BIK: variants seen among roughly 807,000 people sequenced by gnomAD.
BIK encodes BCL2 interacting killer.
Under a neutral mutation model 12.1 loss-of-function variants are expected in BIK, and 14 were observed. The observed-to-expected ratio is 1.16, with a 90% confidence interval of 0.77 to 1.81. The LOEUF (loss-of-function observed/expected upper bound fraction) is 1.81. BIK is among the 40% of genes most tolerant of loss of function. The pLI is 0.00. For missense variants in BIK, 215 were observed against 207.9 expected, an observed-to-expected ratio of 1.03 and a Z score of -0.21; for synonymous variants, 86 against 92.3, an observed-to-expected ratio of 0.93 and a Z score of 0.39.
chr22:43,122,209 T>C (rs896419039), intron 1 of BIK, among the ~76,000 whole-genome samples: 1 of 152,168 alleles, frequency 6.6e-6, no homozygotes, highest in Non-Finnish European at 1.5e-5. Context: ...CTCAGTGTCC[T>C]GTGTGAACAA....
At chr22:43,128,750 C>G in intron 4 of BIK, 125 bp downstream of exon 4, 1 of 1,361,702 alleles carries the variant, frequency 7.3e-7, no homozygotes, top group Non-Finnish European at 1.0e-6. Flanking sequence ...GTGTCCACAT[C>G]TGCCTGATCC....
intron 2 of BIK, among the ~76,000 whole-genome samples, chr22:43,127,121 G>T (rs1297541362): frequency 6.6e-6 from 1 of 152,130 alleles, no homozygotes; most frequent in African/African-American, 2.4e-5. Context: ...TGCGGGTGGG[G>T]TGTAGGATCA....
intron 2 of BIK, among the ~76,000 whole-genome samples, chr22:43,124,395 C>A (rs950538869): frequency 2.5e-4 from 38 of 152,098 alleles, no homozygotes; most frequent in Non-Finnish European, 5.0e-4. Flanking sequence ...AGCTCACAGA[C>A]CCCTGGACAG....
At chr22:43,119,526 G>A (rs1014230606) in intron 1 of BIK, among the ~76,000 whole-genome samples, 3 of 152,050 alleles carry the variant, frequency 2.0e-5, no homozygotes, top group Non-Finnish European at 4.4e-5. Context: ...CTGTGCAATA[G>A]GTGTTACTAG....
At chr22:43,121,471 C>T (rs546501792) in intron 1 of BIK, among the ~76,000 whole-genome samples, 21 of 152,260 alleles carry the variant, frequency 1.4e-4, no homozygotes, top group African/African-American at 4.6e-4. Flanking sequence ...TAAGGATTCT[C>T]GGAATGCCTG....
At chr22:43,125,323 AC>A (rs1490980566) in intron 2 of BIK, among the ~76,000 whole-genome samples, 1 of 152,170 alleles carries the variant, frequency 6.6e-6, no homozygotes, top group Non-Finnish European at 1.5e-5. Context: ...TGGGAATGCA[AC>A]CCAGTAGGTC....
At position 43,129,558 on chromosome 22, in the gene BIK, C is replaced by CAGGAAG; in HGVS notation, c.*256_*261dup. On this transcript the variant is annotated 3_prime_UTR_variant, in exon 5 of 5. Coordinates refer to ENST00000216115, the MANE Select transcript of BIK (RefSeq NM_001197.5). ...TCACCGGTTAACTGTGGCCTGTGCC[C>CAGGAAG]AGGAAGAGCCATTCACTCCTGCCCC... The CAGGAAG allele has an allele frequency of 1.7e-6, 1 of 605,442 alleles. No homozygotes were observed. Among genetic ancestry groups the CAGGAAG allele is most frequent in the Middle Eastern group, 4.6e-4 (1 of 2,180 alleles). 37.5% of individuals were successfully genotyped at this position (605,442 alleles called of 1,614,324 possible). A position where few individuals can be genotyped will look rare whatever the true frequency, so the allele number is the denominator to read the frequency against.
At chr22:43,119,939 AGCCTGG>A (rs1295248709) in intron 1 of BIK, among the ~76,000 whole-genome samples, 1 of 152,190 alleles carries the variant, frequency 6.6e-6, no homozygotes, top group African/African-American at 2.4e-5. Context: ...ACTGCACTCC[AGCCTGG>A]GCAAACGGGT....
chr22:43,120,123 T>C (rs1930191689), intron 1 of BIK, among the ~76,000 whole-genome samples: 1 of 152,152 alleles, frequency 6.6e-6, no homozygotes, highest in Admixed American at 6.5e-5. Flanking sequence ...TTGAGTGTGG[T>C]TAGCGCGGGA....
rs199816185 is a variant in BIK at position 43,129,155 on chromosome 22, G to A, written c.391-58G>A. ...TCCCCTTGGCACTCCGCTGTCACCC[G>A]TCTGGCCCCATTGCCGGGGCCTGCC... On this transcript the variant is annotated intron_variant, in intron 4 of 4. Coordinates refer to ENST00000216115, the MANE Select transcript of BIK (RefSeq NM_001197.5). 369 of 1,599,476 alleles carry A rather than the reference G, an allele frequency of 2.3e-4. 1 individual carries two copies. The African/African-American group carries it at 4.0e-3, about 17-fold the overall frequency.
intron 1 of BIK, among the ~76,000 whole-genome samples, chr22:43,115,633 T>G (rs1003597794): frequency 1.3e-5 from 2 of 151,982 alleles, no homozygotes; most frequent in African/African-American, 2.4e-5. Context: ...TGGCTAGTTT[T>G]TGTATTTTTA....
intron 1 of BIK, among the ~76,000 whole-genome samples, chr22:43,118,555 C>T (rs988743117): frequency 6.6e-5 from 10 of 152,154 alleles, no homozygotes; most frequent in African/African-American, 9.7e-5. Flanking sequence ...GAGTTGTGTG[C>T]GCTCCAAGGG....
chr22:43,112,493 C>G (rs1446110599), intron 1 of BIK, among the ~76,000 whole-genome samples: 1 of 152,072 alleles, frequency 6.6e-6, no homozygotes, highest in East Asian at 1.9e-4. Context: ...CCCACCCCGC[C>G]CGGCTTGAGT....
chr22:43,125,219 CT>C (rs1163658235), intron 2 of BIK, among the ~76,000 whole-genome samples: 1 of 152,176 alleles, frequency 6.6e-6, no homozygotes, highest in Non-Finnish European at 1.5e-5. Flanking sequence ...TGGCTGGCGT[CT>C]TTGCCGAATC....
intron 1 of BIK, among the ~76,000 whole-genome samples, chr22:43,118,660 T>C (rs1379055843): frequency 6.6e-6 from 1 of 152,072 alleles, no homozygotes; most frequent in Non-Finnish European, 1.5e-5. Context: ...CTGGGCCCAC[T>C]CAGCTGGCCC....
intron 1 of BIK, among the ~76,000 whole-genome samples, chr22:43,122,027 G>A (rs529694115): frequency 2.0e-5 from 3 of 152,304 alleles, no homozygotes; most frequent in East Asian, 1.9e-4. Flanking sequence ...CACCGCACCC[G>A]GCCCATCCAT....
chr22:43,125,149 C>G (rs983041827), intron 2 of BIK, among the ~76,000 whole-genome samples: 1 of 152,128 alleles, frequency 6.6e-6, no homozygotes, highest in Non-Finnish European at 1.5e-5. Context: ...AGTTGGTGCA[C>G]AATGAATAGT....
intron 2 of BIK, 63 bp downstream of exon 2, chr22:43,124,246 G>A: frequency 1.9e-6 from 3 of 1,581,744 alleles, no homozygotes; most frequent in East Asian, 2.3e-5. Context: ...GGCTGGATGA[G>A]CAGACATTCT....
At chr22:43,126,494 G>A (rs1032738599) in intron 2 of BIK, among the ~76,000 whole-genome samples, 1 of 152,166 alleles carries the variant, frequency 6.6e-6, no homozygotes, top group Admixed American at 6.5e-5. Flanking sequence ...GCCAGGACTG[G>A]CACTTTCATT....
Sources: allele counts gnomAD v4.1 joint callset (sites outside exome capture counted in the v4.1 genomes callset), GRCh38; gene constraint gnomAD v4.1.1; transcripts MANE v1.5; gene names NCBI Gene and HGNC (gene_info 2026-07-23, HGNC 2026-07-21).